Variants in ASPH observed in about 807,000 individuals in gnomAD.
The protein encoded by ASPH is aspartyl/asparaginyl beta-hydroxylase.
ASPH carries 100 observed loss-of-function variants against 118.4 expected under a neutral mutation model. The ratio of observed to expected loss-of-function variants is 0.84; its 90% confidence interval spans 0.72 to 1.00. ASPH has a LOEUF of 1.00. Among genes scored for constraint, ASPH ranks in the 50% least tolerant of loss-of-function variants. The pLI, the probability that ASPH is intolerant of heterozygous loss-of-function variation, is 0.00. For missense variants in ASPH, 920 were observed against 919.5 expected, an observed-to-expected ratio of 1.00 and a Z score of -0.01; for synonymous variants, 315 against 325.6, an observed-to-expected ratio of 0.97 and a Z score of 0.35.
intron 3 of ASPH, among the ~76,000 whole-genome samples, chr8:61,673,959 T>C (rs747063563): frequency 6.6e-6 from 1 of 152,156 alleles, no homozygotes; most frequent in Non-Finnish European, 1.5e-5. Context: ...AAGTAGCAAA[T>C]TTTTATCCCA....
At chr8:61,664,217 T>C in intron 3 of ASPH, 1 of 967,460 alleles carries the variant, frequency 1.0e-6, no homozygotes, top group Non-Finnish European at 1.2e-6. Context: ...TTTTCTAAGG[T>C]GCTAAATTCT....
intron 17 of ASPH, 115 bp downstream of exon 17, chr8:61,567,053 T>G (rs1222349972): frequency 4.6e-6 from 6 of 1,297,702 alleles, no homozygotes; most frequent in Non-Finnish European, 6.2e-6. Flanking sequence ...TGAAATCAGT[T>G]GTAAAACTCA....
Position 61,631,426 on chromosome 8 carries a change from C to T in ASPH, c.934+2257G>A, listed in dbSNP as rs79931704. On this transcript the variant is annotated intron_variant, in intron 13 of 24. Coordinates refer to ENST00000379454, the MANE Select transcript of ASPH (RefSeq NM_004318.4). ...CCATATTTTTACCATACTTTGTCTA[C>T]GTTTAGGTATGTTTTCATACACAAA... Among the ~76,000 whole-genome samples the T allele has an allele frequency of 5.2e-3, 784 of 152,218 alleles. 10 individuals carry two copies. The highest frequency in any genetic ancestry group is 0.018 in the African/African-American group (744 of 41,540).
chr8:61,556,847 G>C (rs1430655789), intron 18 of ASPH, among the ~76,000 whole-genome samples: 1 of 152,038 alleles, frequency 6.6e-6, no homozygotes, highest in Non-Finnish European at 1.5e-5. Context: ...CCTTGAGACT[G>C]AGTAGAAAAA....
At chr8:61,654,413 A>G (rs1373161341) in intron 3 of ASPH, among the ~76,000 whole-genome samples, 1 of 152,126 alleles carries the variant, frequency 6.6e-6, no homozygotes, top group Non-Finnish European at 1.5e-5. Context: ...CAAGAGTTCA[A>G]AGATTCCGTT....
intron 1 of ASPH, among the ~76,000 whole-genome samples, chr8:61,707,239 T>TAA (rs763178106): frequency 4.1e-5 from 6 of 145,508 alleles, no homozygotes; most frequent in African/African-American, 1.5e-4. Context: ...TTCAGGATAT[T>TAA]AAAAAAAAAA....
At chr8:61,639,246 C>T (rs1738851056) in intron 10 of ASPH, among the ~76,000 whole-genome samples, 1 of 152,096 alleles carries the variant, frequency 6.6e-6, no homozygotes, top group South Asian at 2.1e-4. Flanking sequence ...GCTTGCTTCT[C>T]GTCACCCTCT....
intron 24 of ASPH, among the ~76,000 whole-genome samples, chr8:61,510,081 A>T (rs1267007250): frequency 9.2e-5 from 14 of 152,226 alleles, no homozygotes; most frequent in Non-Finnish European, 1.0e-4. Flanking sequence ...TTTCTGCAGC[A>T]ATCAGACAGG....
In ASPH at chr8:61,503,381, C is replaced by T. The variant is rs780640026; in HGVS notation, c.2255G>A (p.Arg752Lys). 5.0e-6 allele frequency: 8 copies of T among 1,608,002 alleles called. No individual in the cohort carries two copies. The highest frequency in any genetic ancestry group is 2.3e-5 in the East Asian group (1 of 44,436). The part of the protein sequence containing the change: ...VWHPELTPQQ[R>K]RSLPAI ...ATGCTAAATTGCTGGAAGGCTGCGT[C>T]TCTGCTGTGGTGTCAGTTCCGGATG... Residue 752 changes from arginine to lysine, a missense_variant, in exon 25 of 25, where the codon AGA becomes AAA. Physicochemically the swap from Arg to Lys is conservative, Grantham distance 26 (BLOSUM62 2). Transcript: ENST00000379454.
At chr8:61,601,830 A>G (rs1844079716) in intron 14 of ASPH, among the ~76,000 whole-genome samples, 1 of 151,372 alleles carries the variant, frequency 6.6e-6, no homozygotes, top group African/African-American at 2.5e-5. Context: ...ATTATTAAAC[A>G]ATAAATATTA....
intron 20 of ASPH, among the ~76,000 whole-genome samples, chr8:61,551,377 G>A (rs1209198329): frequency 6.6e-6 from 1 of 152,216 alleles, no homozygotes; most frequent in Non-Finnish European, 1.5e-5. Flanking sequence ...TGCAAACTCA[G>A]AGCACGACAG....
At chr8:61,516,500 C>T (rs556165566) in intron 24 of ASPH, among the ~76,000 whole-genome samples, 2 of 152,306 alleles carry the variant, frequency 1.3e-5, no homozygotes, top group African/African-American at 2.4e-5. Flanking sequence ...CCCCTGAACA[C>T]TCATCCTCCA....
chr8:61,693,093 C>T (rs1209544449), intron 1 of ASPH, among the ~76,000 whole-genome samples: 1 of 152,192 alleles, frequency 6.6e-6, no homozygotes, highest in African/African-American at 2.4e-5. Flanking sequence ...TTCCCACTCC[C>T]ACCCCATGCT....
chr8:61,540,321 A>G (rs572205136), intron 21 of ASPH, among the ~76,000 whole-genome samples: 37 of 152,288 alleles, frequency 2.4e-4, no homozygotes, highest in Non-Finnish European at 4.1e-4. Context: ...TCAACGGTTC[A>G]GTACCATCGC....
At position 61,595,882 on chromosome 8, in the gene ASPH, C is replaced by T. The variant is rs538435087; in HGVS notation, c.977-11853G>A. 1.8e-4 allele frequency among the ~76,000 whole-genome samples: 28 copies of T among 152,274 alleles called. No homozygotes were observed. In the South Asian group the frequency reaches 4.8e-3, roughly 26 times the overall value. ...GCATATCATCTGGAAGCCTGGGAAT[C>T]GGCCCACTCAGCCTGTCACTGCAGG... On this transcript the variant is annotated intron_variant, in intron 14 of 24. Coordinates refer to ENST00000379454, the MANE Select transcript of ASPH (RefSeq NM_004318.4).
intron 16 of ASPH, among the ~76,000 whole-genome samples, chr8:61,575,143 T>G (rs959581179): frequency 1.3e-5 from 2 of 152,230 alleles, no homozygotes; most frequent in Non-Finnish European, 2.9e-5. Flanking sequence ...AAGCGCTGTC[T>G]GCCCCATTCT....
At chr8:61,517,887 C>T (rs531576686) in intron 23 of ASPH, 145 bp downstream of exon 23, 1 of 1,107,296 alleles carries the variant, frequency 9.0e-7, no homozygotes, top group South Asian at 1.6e-5. Context: ...CTGACGTCAA[C>T]CACATAAAAT....
chr8:61,662,752 A>G (rs1817563391), intron 3 of ASPH: 1 of 715,216 alleles, frequency 1.4e-6, no homozygotes, highest in African/African-American at 1.9e-5. Flanking sequence ...GGATCTTTAA[A>G]TGTTTTAGTT....
intron 14 of ASPH, among the ~76,000 whole-genome samples, chr8:61,584,819 C>T (rs144573407): frequency 3.5e-4 from 53 of 152,122 alleles, no homozygotes; most frequent in Admixed American, 7.8e-4. Flanking sequence ...TGTGCCATTT[C>T]TTATGCTACC....
Sources: allele counts gnomAD v4.1 joint callset (sites outside exome capture counted in the v4.1 genomes callset), GRCh38; gene constraint gnomAD v4.1.1; transcripts MANE v1.5; gene names NCBI Gene and HGNC (gene_info 2026-07-23, HGNC 2026-07-21).